The following PDZRN4 variants were observed in gnomAD, a reference collection of about 807,000 sequenced individuals.
The protein encoded by PDZRN4 is PDZ domain-containing RING finger protein 4.
Under a neutral mutation model 99.0 loss-of-function variants are expected in PDZRN4, and 70 were observed. The observed-to-expected ratio is 0.71, with a 90% CI of 0.58 to 0.86. PDZRN4 has a LOEUF of 0.86. Ranked by LOEUF, PDZRN4 falls within the 40% of genes least tolerant of loss-of-function variation. PDZRN4 has a pLI of 0.00. For synonymous variants in PDZRN4, 551 were observed against 501.6 expected (o/e 1.10, Z -1.32); for missense variants, 1,474 against 1,331.2 (o/e 1.11, Z -1.67).
intron 5 of PDZRN4, among the ~76,000 whole-genome samples, chr12:41,512,753 G>A (rs1345619094): frequency 6.6e-6 from 1 of 152,074 alleles, no homozygotes; most frequent in Non-Finnish European, 1.5e-5. Context: ...CCTGGGCGGT[G>A]ATAGCGGGTG....
intron 3 of PDZRN4, among the ~76,000 whole-genome samples, chr12:41,450,997 T>A (rs1380044045): frequency 6.6e-6 from 1 of 151,766 alleles, no homozygotes; most frequent in Non-Finnish European, 1.5e-5. Flanking sequence ...TAATGTAAAA[T>A]TTTTTTAAGT....
intron 3 of PDZRN4, among the ~76,000 whole-genome samples, chr12:41,482,411 GA>G (rs140867916): frequency 6.6e-6 from 1 of 151,942 alleles, no homozygotes; most frequent in East Asian, 1.9e-4. Flanking sequence ...CTACAACAAG[GA>G]AAAAAAGGAA....
chr12:41,401,122 T>A lies in PDZRN4; in HGVS notation c.844-105334T>A, dbSNP rs529249286. On this transcript the variant is annotated intron_variant, in intron 3 of 9. Transcript: ENST00000402685. ...CCACTTACAGACAATTGAAATTTTC[T>A]GTGTAAATGTTACAAGTTTTGCCTA... is the stretch of plus-strand genomic sequence containing the variant. Among the ~76,000 whole-genome samples, 73 of 152,334 alleles carry A rather than the reference T, an allele frequency of 4.8e-4. No homozygotes were observed. The South Asian group carries it at 0.015, about 31-fold the overall frequency.
chr12:41,265,286 G>A (rs886661907), intron 3 of PDZRN4, among the ~76,000 whole-genome samples: 1 of 152,108 alleles, frequency 6.6e-6, no homozygotes, highest in African/African-American at 2.4e-5. Context: ...ATAAATGCAA[G>A]ACTTCTACTG....
Position 41,222,608 on chromosome 12 carries a change from T to C in PDZRN4, c.843+28420T>C, listed in dbSNP as rs192473229. 3.2e-3 allele frequency among the ~76,000 whole-genome samples: 490 copies of C among 152,260 alleles called. 2 individuals are homozygous for C. Among genetic ancestry groups the C allele is most frequent in the Non-Finnish European group, 4.6e-3 (310 of 68,010 alleles). ...AGCTCAGCTCACTGCAACCTCCACCTCCCGGGTTGAAGTGATTCTCCTGCC... is the reference window on the plus strand; with the variant it reads ...AGCTCAGCTCACTGCAACCTCCACCCCCCGGGTTGAAGTGATTCTCCTGCC... On this transcript the variant is annotated intron_variant, in intron 3 of 9. Transcript: ENST00000402685.
At chr12:41,498,538 T>C (rs1938052495) in intron 3 of PDZRN4, among the ~76,000 whole-genome samples, 1 of 151,948 alleles carries the variant, frequency 6.6e-6, no homozygotes, top group Non-Finnish European at 1.5e-5. Context: ...GGAAGGAGAG[T>C]AAACACATTG....
intron 3 of PDZRN4, among the ~76,000 whole-genome samples, chr12:41,217,933 A>T (rs138281823): frequency 2.6e-4 from 39 of 152,106 alleles, no homozygotes; most frequent in Non-Finnish European, 2.9e-5. Flanking sequence ...CCCACAGAGC[A>T]CTGCCTTCCC....
intron 3 of PDZRN4, among the ~76,000 whole-genome samples, chr12:41,433,801 AC>A (rs1484093870): frequency 2.0e-5 from 3 of 152,258 alleles, no homozygotes; most frequent in African/African-American, 7.2e-5. Flanking sequence ...ATTATGTACT[AC>A]ATTGGCAGCC....
chr12:41,400,046 G>A (rs1952278877), intron 3 of PDZRN4, among the ~76,000 whole-genome samples: 1 of 152,104 alleles, frequency 6.6e-6, no homozygotes, highest in Admixed American at 6.5e-5. Context: ...GGGCTATTGT[G>A]CAACTTTTCA....
chr12:41,212,259 C>T lies in PDZRN4; in HGVS notation c.843+18071C>T, dbSNP rs537002652. Among the ~76,000 whole-genome samples the T allele has an allele frequency of 3.3e-3, 509 of 152,154 alleles. 3 individuals carry two copies. Among genetic ancestry groups the T allele is most frequent in the Non-Finnish European group, 5.5e-3 (374 of 67,968 alleles). Reference sequence around the variant, plus strand: ...GTTATATATAGACATATTACAATATCAATGCAATATTTTACTTTCATTTGT... The same window carrying T: ...GTTATATATAGACATATTACAATATTAATGCAATATTTTACTTTCATTTGT... On this transcript the variant is annotated intron_variant, in intron 3 of 9. Coordinates refer to ENST00000402685, the MANE Select transcript of PDZRN4 (RefSeq NM_001164595.2).
At chr12:41,350,180 A>C (rs927899791) in intron 3 of PDZRN4, among the ~76,000 whole-genome samples, 18 of 152,078 alleles carry the variant, frequency 1.2e-4, no homozygotes, top group Non-Finnish European at 1.8e-4. Flanking sequence ...TATAAAAACA[A>C]ATAAGACATA....
At chr12:41,290,732 G>T (rs186947802) in intron 3 of PDZRN4, among the ~76,000 whole-genome samples, 1 of 152,034 alleles carries the variant, frequency 6.6e-6, no homozygotes, top group African/African-American at 2.4e-5. Flanking sequence ...AGAAAAATAG[G>T]TATTCAACAA....
chr12:41,416,757 T>C (rs1952448847), intron 3 of PDZRN4, among the ~76,000 whole-genome samples: 1 of 152,186 alleles, frequency 6.6e-6, no homozygotes, highest in African/African-American at 2.4e-5. Context: ...CTACAAGGAA[T>C]GAATTGGTTT....
chr12:41,571,370 TCTCTCTCACACA>T (rs1386790668), intron 9 of PDZRN4, among the ~76,000 whole-genome samples: 100 of 94,118 alleles, frequency 1.1e-3, no homozygotes, highest in Admixed American at 5.1e-3. Context: ...TCTCTCTCTC[TCTCTCTCACACA>T]CACACACACA....
chr12:41,489,886 T>C (rs1937850827), intron 3 of PDZRN4, among the ~76,000 whole-genome samples: 1 of 152,180 alleles, frequency 6.6e-6, no homozygotes, highest in African/African-American at 2.4e-5. Context: ...GAATCAATAA[T>C]AGATTCTGGC....
intron 3 of PDZRN4, among the ~76,000 whole-genome samples, chr12:41,464,137 G>A (rs1355163810): frequency 6.6e-6 from 1 of 152,164 alleles, no homozygotes; most frequent in Admixed American, 6.5e-5. Flanking sequence ...CACCAGCCAT[G>A]TTCAACCAGA....
chr12:41,429,864 T>A (rs1328352113), intron 3 of PDZRN4, among the ~76,000 whole-genome samples: 3 of 151,684 alleles, frequency 2.0e-5, no homozygotes, highest in Non-Finnish European at 4.4e-5. Context: ...ACTGGTTGAA[T>A]GAAAGTTTGT....
At chr12:41,222,772 G>T (rs375789215) in intron 3 of PDZRN4, among the ~76,000 whole-genome samples, 6 of 152,112 alleles carry the variant, frequency 3.9e-5, no homozygotes, top group African/African-American at 1.4e-4. Flanking sequence ...TGATCCACCC[G>T]CCTCAGCCTC....
At chr12:41,548,516 C>T (rs570381331) in intron 5 of PDZRN4, among the ~76,000 whole-genome samples, 132 of 152,282 alleles carry the variant, frequency 8.7e-4, no homozygotes, top group African/African-American at 2.1e-3. Flanking sequence ...ACCCTACATT[C>T]CCCTGTTGTC....
Sources: gnomAD v4.1 joint callset for allele counts (sites outside exome capture counted in the v4.1 genomes callset) on GRCh38, gnomAD v4.1.1 for gene constraint, MANE v1.5 for transcripts, NCBI Gene and HGNC (gene_info 2026-07-23, HGNC 2026-07-21) for gene names.